Variants in KALRN observed in about 807,000 individuals in gnomAD.
KALRN encodes kalirin RhoGEF kinase.
Under a neutral mutation model 353.7 loss-of-function variants are expected in KALRN, and 70 were observed. The ratio of observed to expected loss-of-function variants is 0.20; its 90% CI spans 0.16 to 0.24. KALRN has a LOEUF of 0.24. KALRN is among the 10% of genes least tolerant of loss of function. The pLI is 1.00. For synonymous variants in KALRN, 1,391 were observed against 1,434.8 expected (o/e 0.97, Z 0.69); for missense variants, 2,791 against 3,756.7 (o/e 0.74, Z 6.72).
At chr3:124,164,414 C>T (rs1272891707) in intron 1 of KALRN, 5 of 152,206 alleles carry the variant, frequency 3.3e-5, no homozygotes, top group African/African-American at 1.2e-4. Context: ...CAAATGCCTT[C>T]TGCAGCATGG....
At chr3:124,283,485 TC>T (rs1325183121) in intron 5 of KALRN, among the ~76,000 whole-genome samples, 1 of 152,130 alleles carries the variant, frequency 6.6e-6, no homozygotes, top group Non-Finnish European at 1.5e-5. Flanking sequence ...AGAGTCAATA[TC>T]CCGGGGCTGT....
rs2088001315 is a variant in KALRN, at chr3:124,385,048, T to C, written c.1962+12T>C. 3 of 1,571,390 alleles carry C rather than the reference T, an allele frequency of 1.9e-6. No individual in the cohort carries two copies. The highest frequency in any genetic ancestry group is 2.6e-6 in the Non-Finnish European group (3 of 1,153,698). On this transcript the variant is annotated intron_variant, in intron 11 of 59. Coordinates refer to ENST00000682506, the MANE Select transcript of KALRN (RefSeq NM_001388419.1). ...CACACACCAAAGAGGTAAGGGGAGC[T>C]AGTGGAGAGAGGGCATTCTGTCCTG... is the stretch of plus-strand genomic sequence containing the variant.
At position 124,392,535 on chromosome 3, in the gene KALRN, AC is replaced by A. The variant is rs1330449083; in HGVS notation, c.1963-2599del. 6.1e-5 allele frequency among the ~76,000 whole-genome samples: 9 copies of A among 146,880 alleles called. 1 individual carries two copies. In the South Asian group the frequency reaches 1.3e-3, roughly 22 times the overall value. ...ATATGTGGTAGAACTAGGATTTGAA[AC>A]TTTTTTTTTTTGGAGACAGAGTTTT... On this transcript the variant is annotated intron_variant, in intron 11 of 59. Transcript: ENST00000682506.
intron 1 of KALRN, among the ~76,000 whole-genome samples, chr3:124,129,393 G>A (rs949215003): frequency 3.3e-5 from 5 of 152,154 alleles, no homozygotes; most frequent in African/African-American, 1.2e-4. Flanking sequence ...TGTCCATAGT[G>A]ACTCATACTC....
Position 124,696,124 on chromosome 3 carries a change from G to C in KALRN, c.7578-10G>C. 6.2e-7 allele frequency: 1 copy of C among 1,613,430 alleles called. No homozygotes were observed. Among genetic ancestry groups the C allele is most frequent in the Non-Finnish European group, 8.5e-7 (1 of 1,179,616 alleles). ...CTGGAGTCTGAAGAGCATCCTTTTG[G>C]TGTCCCTAGTGATTCTGGAGAAATC... On this transcript the variant is annotated splice_polypyrimidine_tract_variant and intron_variant, in intron 53 of 59. Coordinates refer to ENST00000682506, the MANE Select transcript of KALRN (RefSeq NM_001388419.1).
intron 6 of KALRN, among the ~76,000 whole-genome samples, chr3:124,315,552 T>C (rs1459089514): frequency 6.6e-6 from 1 of 152,044 alleles, no homozygotes; most frequent in Non-Finnish European, 1.5e-5. Context: ...TGGGACCTTC[T>C]TTTCTGGCTT....
intron 6 of KALRN, among the ~76,000 whole-genome samples, chr3:124,318,460 G>A (rs1293964766): frequency 6.6e-6 from 1 of 152,170 alleles, no homozygotes; most frequent in Non-Finnish European, 1.5e-5. Context: ...CATATGTTTC[G>A]AGGTGGGATC....
chr3:124,318,371 G>A (rs1313606801), intron 6 of KALRN, among the ~76,000 whole-genome samples: 1 of 152,212 alleles, frequency 6.6e-6, no homozygotes, highest in East Asian at 1.9e-4. Flanking sequence ...TTCCTTTAGA[G>A]CTCATCACAT....
chr3:124,588,536 T>C (rs1042737575), intron 34 of KALRN, among the ~76,000 whole-genome samples: 2 of 152,310 alleles, frequency 1.3e-5, no homozygotes, highest in South Asian at 2.1e-4. Flanking sequence ...GCAATTCTCA[T>C]GCGTCAGCCT....
chr3:124,686,604 T>C (rs2061568124), intron 51 of KALRN, among the ~76,000 whole-genome samples: 1 of 151,942 alleles, frequency 6.6e-6, no homozygotes, highest in Non-Finnish European at 1.5e-5. Flanking sequence ...GGGTTAGTTA[T>C]GTAGGAAGAG....
chr3:124,656,382 G>C (rs983009129), intron 39 of KALRN, among the ~76,000 whole-genome samples: 1 of 152,156 alleles, frequency 6.6e-6, no homozygotes, highest in Non-Finnish European at 1.5e-5. Context: ...AGGCTGAGAC[G>C]GGTGGATCAC....
chr3:124,451,210 G>A (rs2058746066), intron 21 of KALRN, among the ~76,000 whole-genome samples: 3 of 151,954 alleles, frequency 2.0e-5, no homozygotes, highest in Admixed American at 2.0e-4. Context: ...CTCAGAGTGA[G>A]GCTCACTGAT....
chr3:124,152,224 C>T (rs762232930), intron 1 of KALRN: 517 of 1,581,898 alleles, frequency 3.3e-4, no homozygotes, highest in Non-Finnish European at 4.3e-4. Flanking sequence ...GCCATAACCA[C>T]GCTTGTAGAT....
intron 5 of KALRN, among the ~76,000 whole-genome samples, chr3:124,270,824 G>GTT (rs777615656): frequency 0.081 from 6,210 of 77,076 alleles, 581 homozygotes; most frequent in Non-Finnish European, 0.12. Context: ...TTTTTGTTTT[G>GTT]TTTTTTTTTT....
intron 4 of KALRN, 23 bp downstream of exon 4, chr3:124,264,713 A>C: frequency 6.2e-7 from 1 of 1,600,534 alleles, no homozygotes; most frequent in Non-Finnish European, 8.6e-7. Context: ...TCTCTCTCTT[A>C]GCATCTTCTT....
intron 18 of KALRN, among the ~76,000 whole-genome samples, chr3:124,441,138 T>C (rs1042626367): frequency 6.6e-6 from 1 of 152,218 alleles, no homozygotes; most frequent in Non-Finnish European, 1.5e-5. Flanking sequence ...AAAATGTTTG[T>C]AATTTCCATT....
chr3:124,465,432 A>T (rs2060234557), intron 25 of KALRN, among the ~76,000 whole-genome samples: 1 of 152,212 alleles, frequency 6.6e-6, no homozygotes, highest in Non-Finnish European at 1.5e-5. Context: ...TTGCAGACTT[A>T]TGGCTAATAC....
intron 34 of KALRN, chr3:124,584,830 C>T: frequency 1.2e-6 from 2 of 1,604,260 alleles, no homozygotes; most frequent in South Asian, 1.1e-5. Flanking sequence ...ACATGAAGGG[C>T]GGCGACAGGG....
At chr3:124,135,206 A>G (rs1180933059) in intron 1 of KALRN, among the ~76,000 whole-genome samples, 1 of 152,226 alleles carries the variant, frequency 6.6e-6, no homozygotes, top group Non-Finnish European at 1.5e-5. Context: ...CTAAAAAGGA[A>G]TGAATTAACA....
Sources: gnomAD v4.1 joint callset for allele counts (sites outside exome capture counted in the v4.1 genomes callset) on GRCh38, gnomAD v4.1.1 for gene constraint, MANE v1.5 for transcripts, NCBI Gene and HGNC (gene_info 2026-07-23, HGNC 2026-07-21) for gene names.